PHIP: variants seen among roughly 807,000 people sequenced by gnomAD.
PHIP encodes the protein PH-interacting protein.
A neutral mutation model predicts 236.8 loss-of-function variants in PHIP; 54 were observed. The observed-to-expected ratio is 0.23, with a 90% CI of 0.18 to 0.29. The LOEUF (loss-of-function observed/expected upper bound fraction) is 0.29, where lower values mean the gene tolerates loss of function less well. PHIP is among the 10% of genes least tolerant of loss of function. PHIP has a pLI of 1.00. For synonymous variants in PHIP, 756 were observed against 718.9 expected (o/e 1.05, Z -0.83); for missense variants, 1,370 against 2,190.8 (o/e 0.63, Z 7.48).
chr6:79,066,163 A>G (rs1017232322), intron 4 of PHIP, among the ~76,000 whole-genome samples: 1 of 152,072 alleles, frequency 6.6e-6, no homozygotes, highest in Admixed American at 6.5e-5. Flanking sequence ...CTGATATACG[A>G]GTTACTTTCT....
At chr6:78,985,061 T>C (rs933148679) in intron 22 of PHIP, among the ~76,000 whole-genome samples, 3 of 152,086 alleles carry the variant, frequency 2.0e-5, no homozygotes, top group South Asian at 4.1e-4. Flanking sequence ...TTCATACTTT[T>C]CAAAACCAGT....
chr6:78,944,175 T>C lies in PHIP; in HGVS notation c.4828+1125A>G, dbSNP rs537835769. Among the ~76,000 whole-genome samples the C allele has an allele frequency of 7.2e-5, 11 of 152,054 alleles. No homozygotes were observed. In the South Asian group the frequency reaches 2.3e-3, roughly 32 times the overall value. ...AAAGACTCAGGAACTTCTAAGTGTT[T>C]AGGATGACTGGGATACAAAAGAGAG... On this transcript the variant is annotated intron_variant, in intron 39 of 39. Coordinates refer to ENST00000275034, the MANE Select transcript of PHIP (RefSeq NM_017934.7).
At chr6:78,979,056 G>A (rs1768325269) in intron 23 of PHIP, among the ~76,000 whole-genome samples, 1 of 152,136 alleles carries the variant, frequency 6.6e-6, no homozygotes, top group Non-Finnish European at 1.5e-5. Flanking sequence ...ATAGGAGACT[G>A]TGTGTAGGTC....
intron 6 of PHIP, among the ~76,000 whole-genome samples, chr6:79,052,170 T>C (rs561413700): frequency 2.6e-5 from 4 of 152,270 alleles, no homozygotes; most frequent in Admixed American, 6.5e-5. Context: ...CTAAACACGT[T>C]GGGGCTGAGG....
At chr6:78,974,651 GA>G (rs1205443905) in intron 24 of PHIP, among the ~76,000 whole-genome samples, 1 of 152,118 alleles carries the variant, frequency 6.6e-6, no homozygotes, top group Non-Finnish European at 1.5e-5. Context: ...AAGAAAAAAA[GA>G]AGAATCAAAT....
chr6:79,072,933 A>C (rs1329704108), intron 4 of PHIP, among the ~76,000 whole-genome samples: 1 of 152,212 alleles, frequency 6.6e-6, no homozygotes, highest in Non-Finnish European at 1.5e-5. Context: ...GATAATAGCA[A>C]ACCAAAACCC....
At chr6:78,998,478 T>A in intron 17 of PHIP, 87 bp from the exon 18 acceptor site, 3 of 998,458 alleles carry the variant, frequency 3.0e-6, no homozygotes, top group Non-Finnish European at 4.5e-6. Context: ...AGTTCAGAAT[T>A]AAACATAAAT....
intron 4 of PHIP, among the ~76,000 whole-genome samples, chr6:79,063,284 G>T (rs878883376): frequency 6.6e-6 from 1 of 152,132 alleles, no homozygotes; most frequent in Non-Finnish European, 1.5e-5. Context: ...GAAGATTTAA[G>T]AATATGCAGA....
intron 4 of PHIP, among the ~76,000 whole-genome samples, chr6:79,072,722 C>T (rs1248923539): frequency 6.6e-6 from 1 of 151,980 alleles, no homozygotes; most frequent in Non-Finnish European, 1.5e-5. Context: ...CATGGCCTCC[C>T]AAAGTACTGG....
At chr6:79,006,897 T>A (rs1387740529) in intron 15 of PHIP, among the ~76,000 whole-genome samples, 1 of 152,084 alleles carries the variant, frequency 6.6e-6, no homozygotes. Flanking sequence ...TGAGACAGTA[T>A]TTACCAGTAA....
intron 19 of PHIP, among the ~76,000 whole-genome samples, chr6:78,992,827 A>G (rs1443145942): frequency 6.6e-6 from 1 of 152,186 alleles, no homozygotes; most frequent in Non-Finnish European, 1.5e-5. Flanking sequence ...TATTAAAGTT[A>G]GGCCAATTAA....
At chr6:79,069,020 T>C (rs1251342816) in intron 4 of PHIP, among the ~76,000 whole-genome samples, 6 of 151,958 alleles carry the variant, frequency 3.9e-5, no homozygotes, top group Non-Finnish European at 8.8e-5. Context: ...TCTCACAGTT[T>C]TGTCAGATAT....
chr6:79,076,006 G>A (rs1475340611), intron 4 of PHIP, among the ~76,000 whole-genome samples: 2 of 152,074 alleles, frequency 1.3e-5, no homozygotes, highest in African/African-American at 4.8e-5. Context: ...ATTCACTTTG[G>A]CCAAGAATTG....
intron 29 of PHIP, among the ~76,000 whole-genome samples, chr6:78,964,224 A>T (rs1006812145): frequency 6.0e-5 from 9 of 149,518 alleles, no homozygotes; most frequent in African/African-American, 1.0e-4. Flanking sequence ...GCAGTGAGAT[A>T]AAAAAAAATA....
chr6:79,033,950 G>C (rs943575423), intron 7 of PHIP, among the ~76,000 whole-genome samples: 1 of 152,130 alleles, frequency 6.6e-6, no homozygotes, highest in Non-Finnish European at 1.5e-5. Context: ...GAGAAAAATG[G>C]GGAAGGGCCA....
At chr6:79,001,376 C>A (rs1281937569) in intron 17 of PHIP, among the ~76,000 whole-genome samples, 4 of 152,072 alleles carry the variant, frequency 2.6e-5, no homozygotes, top group Non-Finnish European at 5.9e-5. Flanking sequence ...AAGTTGGTAA[C>A]TTTTTAAAAC....
intron 24 of PHIP, among the ~76,000 whole-genome samples, chr6:78,976,127 C>T (rs1462945216): frequency 2.0e-5 from 3 of 149,960 alleles, no homozygotes; most frequent in Non-Finnish European, 4.5e-5. Flanking sequence ...TCAAACTATA[C>T]TACAAGGCTA....
intron 39 of PHIP, among the ~76,000 whole-genome samples, chr6:78,945,021 G>C (rs1186528806): frequency 1.3e-5 from 2 of 151,780 alleles, no homozygotes; most frequent in African/African-American, 2.4e-5. Flanking sequence ...TTCTAGAAAA[G>C]TGAAGAATGC....
rs1773240403 is a variant in PHIP, at chr6:78,935,443, T to TTGCA, written c.*5249_*5250insTGCA. ...GAAAACTGCAATAACCTTCTTTCCA[T>TTGCA]CATTCCTTTTTTCCCAGAAATTGCA... On this transcript the variant is annotated 3_prime_UTR_variant, in exon 40 of 40. Coordinates refer to ENST00000275034, the MANE Select transcript of PHIP (RefSeq NM_017934.7). The TTGCA allele has an allele frequency of 1.1e-6, 1 of 923,212 alleles. No individual in the cohort carries two copies. Among genetic ancestry groups the TTGCA allele is most frequent in the Non-Finnish European group, 1.3e-6 (1 of 773,452 alleles). 57.2% of individuals were successfully genotyped at this position (923,212 alleles called of 1,614,324 possible).
Sources: gnomAD v4.1 joint callset for allele counts (sites outside exome capture counted in the v4.1 genomes callset) on GRCh38, gnomAD v4.1.1 for gene constraint, MANE v1.5 for transcripts, NCBI Gene and HGNC (gene_info 2026-07-23, HGNC 2026-07-21) for gene names.